CPEB1: variants seen among roughly 807,000 people sequenced by gnomAD.
The protein encoded by CPEB1 is cytoplasmic polyadenylation element binding protein 1.
In CPEB1, 7 loss-of-function variants were observed where a neutral mutation model predicts 65.8. The ratio of observed to expected loss-of-function variants is 0.11; its 90% CI spans 0.06 to 0.20. The LOEUF (loss-of-function observed/expected upper bound fraction) is 0.20. CPEB1 is among the 10% of genes least tolerant of loss of function. The pLI is 1.00. For missense variants in CPEB1, 551 were observed against 712.2 expected, an observed-to-expected ratio of 0.77 and a Z score of 2.58; for synonymous variants, 262 against 260.0, an observed-to-expected ratio of 1.01 and a Z score of -0.08.
At chr15:82,564,299 T>G (rs1030435509) in intron 4 of CPEB1, among the ~76,000 whole-genome samples, 16 of 152,334 alleles carry the variant, frequency 1.1e-4, no homozygotes, top group African/African-American at 3.8e-4. Context: ...GTTTTGTTTT[T>G]TTTTGAGACG....
intron 3 of CPEB1, among the ~76,000 whole-genome samples, chr15:82,623,897 A>C (rs1297761486): frequency 6.6e-6 from 1 of 152,098 alleles, no homozygotes; most frequent in Non-Finnish European, 1.5e-5. Flanking sequence ...ATGGTACATG[A>C]TATTCCATGG....
intron 3 of CPEB1, among the ~76,000 whole-genome samples, chr15:82,602,133 T>G (rs983199802): frequency 6.6e-6 from 1 of 152,132 alleles, no homozygotes; most frequent in African/African-American, 2.4e-5. Context: ...TCAACAAATT[T>G]GAAGACTAAA....
chr15:82,607,614 C>T lies in CPEB1; in HGVS notation c.271+19579G>A, dbSNP rs529102071. 7.2e-5 allele frequency among the ~76,000 whole-genome samples: 11 copies of T among 152,058 alleles called. No homozygotes were observed. The South Asian group carries it at 2.3e-3, about 32-fold the overall frequency. ...AGGAAAAAAACAAAGACACAAAAGACACAAATAGGTTGAAAGGATGGAAAA... is the reference window on the plus strand; with the variant it reads ...AGGAAAAAAACAAAGACACAAAAGATACAAATAGGTTGAAAGGATGGAAAA... On this transcript the variant is annotated intron_variant, in intron 3 of 12. Transcript: ENST00000684509.
chr15:82,559,806 G>A (rs533465103), intron 4 of CPEB1, among the ~76,000 whole-genome samples: 12 of 152,262 alleles, frequency 7.9e-5, no homozygotes, highest in Non-Finnish European at 1.0e-4. Flanking sequence ...TCCTTTGGTC[G>A]GGTGTGGTGG....
At chr15:82,584,903 C>CTTGTTTTTT (rs2041644880) in intron 3 of CPEB1, among the ~76,000 whole-genome samples, 1 of 81,742 alleles carries the variant, frequency 1.2e-5, no homozygotes, top group Non-Finnish European at 2.0e-5. Context: ...TCCTAATTTG[C>CTTGTTTTTT]TTTTTTTTTT....
intron 1 of CPEB1, among the ~76,000 whole-genome samples, chr15:82,643,696 T>C (rs202211783): frequency 6.6e-6 from 1 of 152,066 alleles, no homozygotes; most frequent in African/African-American, 2.4e-5. Flanking sequence ...TCCGTAAGTG[T>C]GGCTGTGTAC....
chr15:82,584,454 G>A (rs2041587304), intron 3 of CPEB1, among the ~76,000 whole-genome samples: 1 of 151,786 alleles, frequency 6.6e-6, no homozygotes, highest in Non-Finnish European at 1.5e-5. Context: ...AAGGTAGGTG[G>A]ATCACTTGAG....
intron 1 of CPEB1, among the ~76,000 whole-genome samples, chr15:82,632,693 A>T (rs988682511): frequency 6.6e-6 from 1 of 150,526 alleles, no homozygotes; most frequent in African/African-American, 2.5e-5. Context: ...TTTTTTTTTT[A>T]ACTTTTTTTT....
intron 3 of CPEB1, among the ~76,000 whole-genome samples, chr15:82,595,755 T>A (rs1022391352): frequency 1.3e-5 from 2 of 152,244 alleles, no homozygotes; most frequent in African/African-American, 4.8e-5. Flanking sequence ...GTTTATTTTT[T>A]AAAAAGCATA....
chr15:82,618,343 C>A (rs2044955350), intron 3 of CPEB1, among the ~76,000 whole-genome samples: 1 of 152,134 alleles, frequency 6.6e-6, no homozygotes, highest in Non-Finnish European at 1.5e-5. Flanking sequence ...CACATAAATA[C>A]ACATATGTAT....
chr15:82,558,073 G>A, intron 4 of CPEB1, 87 bp from the exon 5 acceptor site: 1 of 891,896 alleles, frequency 1.1e-6, no homozygotes, highest in East Asian at 2.5e-5. Context: ...CACCCAACAA[G>A]AGATACCAAA....
At chr15:82,572,488 T>A (rs961081551) in intron 3 of CPEB1, among the ~76,000 whole-genome samples, 1 of 152,098 alleles carries the variant, frequency 6.6e-6, no homozygotes, top group Non-Finnish European at 1.5e-5. Context: ...CTGACTAGGA[T>A]AATCCCTGTG....
At chr15:82,563,596 C>A (rs1178977931) in intron 4 of CPEB1, among the ~76,000 whole-genome samples, 2 of 151,298 alleles carry the variant, frequency 1.3e-5, no homozygotes, top group African/African-American at 4.9e-5. Flanking sequence ...CCTGCCTCAG[C>A]CTCCCAAAGT....
In CPEB1 at chr15:82,579,708, C is replaced by T. The variant is rs1050921352; in HGVS notation, c.272-8176G>A. 4.0e-5 allele frequency among the ~76,000 whole-genome samples: 6 copies of T among 150,014 alleles called. No homozygotes were observed. The South Asian group carries it at 1.1e-3, about 26-fold the overall frequency. On this transcript the variant is annotated intron_variant, in intron 3 of 12. Coordinates refer to ENST00000684509, the MANE Select transcript of CPEB1 (RefSeq NM_001365242.1). ...CGGGTGGATCATGAGGTCAGGAGATCGAGACCATCCTGGCTAACAAGGTGA... is the reference window on the plus strand; with the variant it reads ...CGGGTGGATCATGAGGTCAGGAGATTGAGACCATCCTGGCTAACAAGGTGA...
chr15:82,645,936 G>A (rs903141031), intron 1 of CPEB1, among the ~76,000 whole-genome samples: 1 of 151,900 alleles, frequency 6.6e-6, no homozygotes, highest in Non-Finnish European at 1.5e-5. Context: ...CGTGCTCTGG[G>A]AATACAGTTC....
intron 3 of CPEB1, among the ~76,000 whole-genome samples, chr15:82,610,725 A>C (rs2044049775): frequency 6.6e-6 from 1 of 152,094 alleles, no homozygotes; most frequent in South Asian, 2.1e-4. Context: ...TGGGAGGCCA[A>C]GGCCGGTGGA....
chr15:82,627,125 T>C (rs2045845724), intron 3 of CPEB1, 68 bp downstream of exon 3: 6 of 1,266,492 alleles, frequency 4.7e-6, no homozygotes, highest in Non-Finnish European at 2.1e-6. Flanking sequence ...GAAGACCTCT[T>C]ACATGCACTA....
At chr15:82,622,180 A>G (rs1279143143) in intron 3 of CPEB1, among the ~76,000 whole-genome samples, 7 of 152,142 alleles carry the variant, frequency 4.6e-5, no homozygotes, top group African/African-American at 1.4e-4. Flanking sequence ...TAGGTGGCAG[A>G]CATCCCTGTC....
At chr15:82,576,953 AG>A (rs2040712880) in intron 3 of CPEB1, among the ~76,000 whole-genome samples, 2 of 152,162 alleles carry the variant, frequency 1.3e-5, no homozygotes, top group South Asian at 4.1e-4. Context: ...TGAGCCTAGG[AG>A]GCAGAGGATG....
Sources: gnomAD v4.1 joint callset for allele counts (sites outside exome capture counted in the v4.1 genomes callset) on GRCh38, gnomAD v4.1.1 for gene constraint, MANE v1.5 for transcripts, NCBI Gene and HGNC (gene_info 2026-07-23, HGNC 2026-07-21) for gene names.